The following SMURF2 variants were observed in gnomAD, a reference collection of about 807,000 sequenced individuals.
The protein encoded by SMURF2 is SMAD specific E3 ubiquitin protein ligase 2, also known as E3 ubiquitin-protein ligase SMURF2.
In SMURF2, 48 loss-of-function variants were observed where a neutral mutation model predicts 109.6. The ratio of observed to expected loss-of-function variants is 0.44; its 90% CI spans 0.35 to 0.56. The LOEUF (loss-of-function observed/expected upper bound fraction) is 0.56. Ranked by LOEUF, SMURF2 falls within the 20% of genes least tolerant of loss-of-function variation. SMURF2 has a pLI of 0.01. For synonymous variants in SMURF2, 288 were observed against 317.1 expected, an observed-to-expected ratio of 0.91 and a Z score of 0.97; for missense variants, 575 against 909.0, an observed-to-expected ratio of 0.63 and a Z score of 4.72.
At chr17:64,639,989 C>T (rs75784778) in intron 1 of SMURF2, among the ~76,000 whole-genome samples, 5,643 of 152,084 alleles carry the variant, frequency 0.037, 355 homozygotes, top group African/African-American at 0.13. Flanking sequence ...ACAAATATAC[C>T]ATACTAATGT....
chr17:64,649,347 G>A (rs1970605002), intron 1 of SMURF2, among the ~76,000 whole-genome samples: 1 of 152,068 alleles, frequency 6.6e-6, no homozygotes, highest in African/African-American at 2.4e-5. Flanking sequence ...GAAAGCGCCA[G>A]CATGCTACAG....
rs56131846 is a variant in SMURF2, at chr17:64,648,058, TAAAAAAAAAAAAAA to T, written c.52+13757_52+13770del. On this transcript the variant is annotated intron_variant, in intron 1 of 18. Coordinates refer to ENST00000262435, the MANE Select transcript of SMURF2 (RefSeq NM_022739.4). Reference sequence around the variant, plus strand: ...GGCAACACAGTGAGACCCTATCTCTTAAAAAAAAAAAAAAAAAAAAAAAAAAAAAAAAAACAGGA... The same window carrying T: ...GGCAACACAGTGAGACCCTATCTCTTAAAAAAAAAAAAAAAAAAAACAGGA... Among the ~76,000 whole-genome samples, 62 of 17,684 alleles carry T rather than the reference TAAAAAAAAAAAAAA, an allele frequency of 3.5e-3. 1 individual carries two copies. Among genetic ancestry groups the T allele is most frequent in the Middle Eastern group, 0.042 (1 of 24 alleles). 11.6% of individuals were successfully genotyped at this position (17,684 alleles called of 152,430 possible).
At chr17:64,596,099 T>C (rs139822487) in intron 3 of SMURF2, among the ~76,000 whole-genome samples, 3 of 152,134 alleles carry the variant, frequency 2.0e-5, no homozygotes, top group Non-Finnish European at 2.9e-5. Flanking sequence ...ATAGTAAATA[T>C]GTATATATAC....
chr17:64,623,376 C>T (rs1379303733), intron 1 of SMURF2, among the ~76,000 whole-genome samples: 1 of 152,066 alleles, frequency 6.6e-6, no homozygotes, highest in Admixed American at 6.6e-5. Flanking sequence ...CTATAAACAC[C>T]GAACCTCTGA....
chr17:64,655,252 C>CTTTT (rs749497302), intron 1 of SMURF2, among the ~76,000 whole-genome samples: 6 of 85,906 alleles, frequency 7.0e-5, no homozygotes, highest in Admixed American at 1.4e-4. Flanking sequence ...AATGAAATGT[C>CTTTT]TTTTTTTTTT....
intron 9 of SMURF2, among the ~76,000 whole-genome samples, chr17:64,574,247 G>A (rs1466487013): frequency 6.6e-6 from 1 of 152,286 alleles, no homozygotes; most frequent in Non-Finnish European, 1.5e-5. Context: ...GAGTGCTAAA[G>A]CACTGATTAA....
At chr17:64,624,887 G>C (rs782687919) in intron 1 of SMURF2, among the ~76,000 whole-genome samples, 7 of 152,138 alleles carry the variant, frequency 4.6e-5, no homozygotes, top group Non-Finnish European at 1.0e-4. Context: ...ATCATTTATA[G>C]AGAGTATGAG....
chr17:64,582,354 C>T (rs561046689), intron 7 of SMURF2, among the ~76,000 whole-genome samples: 1 of 152,276 alleles, frequency 6.6e-6, no homozygotes, highest in South Asian at 2.1e-4. Flanking sequence ...CAAAACAAAA[C>T]ACTGCACAAG....
At position 64,581,049 on chromosome 17, in the gene SMURF2, T is replaced by C; in HGVS notation, c.570-58A>G. The C allele has an allele frequency of 6.8e-7, 1 of 1,473,416 alleles. No individual in the cohort carries two copies. Among genetic ancestry groups the C allele is most frequent in the African/African-American group, 1.4e-5 (1 of 71,940 alleles). 91.3% of individuals were successfully genotyped at this position (1,473,416 alleles called of 1,614,324 possible). A position where few individuals can be genotyped will look rare whatever the true frequency, so the allele number is the denominator to read the frequency against. ...AATTTAGATATCAAAAGTAGAGTTC[T>C]CTAGACAATATATATATACTGCAGT... is the stretch of plus-strand genomic sequence containing the variant. On this transcript the variant is annotated intron_variant, in intron 7 of 18. Transcript: ENST00000262435. This position sits in a 1 kb window ranked among gnomAD's most constrained non-coding sequence, Gnocchi z 4.3.
At chr17:64,572,107 G>T in intron 9 of SMURF2, 151 bp from the exon 10 acceptor site, 1 of 673,012 alleles carries the variant, frequency 1.5e-6, no homozygotes, top group Non-Finnish European at 2.3e-6. Flanking sequence ...AATTCCCAAT[G>T]GTTTAACAAA....
At chr17:64,644,649 C>T (rs1457816512) in intron 1 of SMURF2, among the ~76,000 whole-genome samples, 6 of 150,832 alleles carry the variant, frequency 4.0e-5, no homozygotes, top group South Asian at 4.2e-4. Flanking sequence ...TGGTGGCTCA[C>T]GCCTGTAATC....
At chr17:64,580,724 T>C in intron 8 of SMURF2, 65 bp downstream of exon 8, 1 of 1,470,224 alleles carries the variant, frequency 6.8e-7, no homozygotes, top group Non-Finnish European at 9.5e-7. Flanking sequence ...AAATATATTT[T>C]CTGACTTCCT....
At chr17:64,617,857 T>TG (rs1555690263) in intron 1 of SMURF2, among the ~76,000 whole-genome samples, 2 of 152,098 alleles carry the variant, frequency 1.3e-5, no homozygotes, top group African/African-American at 4.8e-5. Flanking sequence ...TCAACAAAGA[T>TG]GAAGATTTTG....
intron 11 of SMURF2, 99 bp downstream of exon 11, chr17:64,562,672 C>T (rs1292217167): frequency 1.9e-5 from 23 of 1,236,644 alleles, no homozygotes; most frequent in Non-Finnish European, 2.2e-5. Flanking sequence ...GCCACCGCAC[C>T]CGGCCAATTT....
At chr17:64,634,317 T>C (rs376939046) in intron 1 of SMURF2, among the ~76,000 whole-genome samples, 3 of 152,348 alleles carry the variant, frequency 2.0e-5, no homozygotes, top group South Asian at 2.1e-4. Flanking sequence ...CCTGGGTCTA[T>C]AGGCAGTCTG....
intron 1 of SMURF2, among the ~76,000 whole-genome samples, chr17:64,647,416 C>T (rs1970573290): frequency 6.6e-6 from 1 of 152,120 alleles, no homozygotes; most frequent in Non-Finnish European, 1.5e-5. Context: ...TACGGTGGTT[C>T]ACACCCGTAA....
intron 1 of SMURF2, among the ~76,000 whole-genome samples, chr17:64,642,866 C>T (rs1436062239): frequency 6.6e-6 from 1 of 152,048 alleles, no homozygotes; most frequent in African/African-American, 2.4e-5. Context: ...ACACTCATGG[C>T]TCACTGCAGC....
chr17:64,596,993 A>G (rs782092234), intron 3 of SMURF2, among the ~76,000 whole-genome samples: 1 of 152,252 alleles, frequency 6.6e-6, no homozygotes, highest in Non-Finnish European at 1.5e-5. Context: ...ACATAATCAT[A>G]ATAATGTAAA....
At chr17:64,609,754 A>C (rs1354559434) in intron 1 of SMURF2, among the ~76,000 whole-genome samples, 1 of 152,170 alleles carries the variant, frequency 6.6e-6, no homozygotes, top group Non-Finnish European at 1.5e-5. Flanking sequence ...AATGGCAACA[A>C]AAGCCAAAAT....
Sources: allele counts gnomAD v4.1 joint callset (sites outside exome capture counted in the v4.1 genomes callset), GRCh38; gene constraint gnomAD v4.1.1; non-coding constraint Gnocchi (gnomAD v3.1); transcripts MANE v1.5; gene names NCBI Gene and HGNC (gene_info 2026-07-23, HGNC 2026-07-21).